LRIG2: variants seen among roughly 807,000 people sequenced by gnomAD.
LRIG2 encodes leucine-rich repeats and immunoglobulin-like domains protein 2.
LRIG2 carries 93 observed loss-of-function variants against 107.8 expected under a neutral mutation model. That is an observed-to-expected ratio of 0.86 (90% CI 0.73 to 1.03). The LOEUF (loss-of-function observed/expected upper bound fraction) is 1.03. Ranked by LOEUF, LRIG2 falls within the 50% of genes least tolerant of loss-of-function variation. LRIG2 has a pLI of 0.00. For missense variants in LRIG2, 1,226 were observed against 1,296.0 expected, an observed-to-expected ratio of 0.95 and a Z score of 0.83; for synonymous variants, 471 against 470.6, an observed-to-expected ratio of 1.00 and a Z score of -0.01.
At chr1:113,093,364 A>G (rs1176205422) in intron 3 of LRIG2, 66 bp from the exon 4 acceptor site, 1 of 1,578,490 alleles carries the variant, frequency 6.3e-7, no homozygotes, top group Admixed American at 1.9e-5. Context: ...TGTTGATTCT[A>G]ATTAACATTT....
chr1:113,106,592 C>T (rs1039220905), intron 11 of LRIG2, among the ~76,000 whole-genome samples: 1 of 152,040 alleles, frequency 6.6e-6, no homozygotes, highest in African/African-American at 2.4e-5. Flanking sequence ...GCAACTTCTG[C>T]CTCCCGGGTT....
intron 1 of LRIG2, among the ~76,000 whole-genome samples, chr1:113,079,902 G>A (rs1199273439): frequency 1.3e-5 from 2 of 150,660 alleles, no homozygotes; most frequent in African/African-American, 4.9e-5. Flanking sequence ...GCTAATTTTT[G>A]TATTTTTAGT....
Position 113,073,596 on chromosome 1 carries a change from C to T in LRIG2, c.190C>T (p.Pro64Ser), listed in dbSNP as rs1437215333. 1.9e-6 allele frequency: 3 copies of T among 1,613,710 alleles called. No individual in the cohort carries two copies. In the African/African-American group the frequency reaches 4.0e-5, roughly 22 times the overall value. ...LDCSRRKLPA[P>S]SWRALSGLLP... is the part of the protein sequence containing the mutation. ...CTGCAGTCGCAGGAAATTGCCCGCA[C>T]CGAGCTGGAGGGCGCTGTCGGGCTT... Residue 64 changes from proline (P) to serine (S), a missense_variant, in exon 1 of 18, where the codon CCG becomes TCG. By Grantham distance (74) the Pro-to-Ser change is moderately conservative. Transcript: ENST00000361127.
At position 113,123,918 on chromosome 1, in the gene LRIG2, C is replaced by T. The variant is rs769312738; in HGVS notation, c.3015C>T (p.Gly1005=). 3 of 1,614,098 alleles carry T rather than the reference C, an allele frequency of 1.9e-6. No homozygotes were observed. Among genetic ancestry groups the T allele is most frequent in the Non-Finnish European group, 2.5e-6 (3 of 1,180,010 alleles). ...TGTGGAACATAAACAGAGAACTAGG[C>T]CTGCCTCATCCTCCTTTTTCCCAGC... The part of the protein sequence containing the change: ...RPVWNINREL[G]LPHPPFSQQP... The change falls in exon 18 of 18, where the codon GGC becomes GGT. Residue 1005 remains glycine, a synonymous_variant. Transcript: ENST00000361127.
chr1:113,115,082 C>G (rs1654946754), intron 15 of LRIG2, among the ~76,000 whole-genome samples: 1 of 152,168 alleles, frequency 6.6e-6, no homozygotes, highest in African/African-American at 2.4e-5. Flanking sequence ...CATCTTCCCC[C>G]TCAAAAAACT....
rs767468466 is a variant in LRIG2, at chr1:113,114,448, C to A, written c.2102C>A (p.Pro701His). Reference sequence around the variant, plus strand: ...TTAGAGACACCCTCATTTATTAGACCCCTGGAGGATAAGACAGTAACACGA... The same window carrying A: ...TTAGAGACACCCTCATTTATTAGACACCTGGAGGATAAGACAGTAACACGA... ...TVLETPSFIR[P>H]LEDKTVTRGE... is the part of the protein sequence containing the mutation. The change falls in exon 15 of 18, where the codon CCC becomes CAC. Residue 701 changes from proline (P) to histidine (H), a missense_variant. Around this residue, in one of 3 missense-constraint regions of LRIG2, gnomAD observed 642 missense variants for 712.2 expected, o/e 0.90. Transcript: ENST00000361127. The A allele has an allele frequency of 4.4e-6, 7 of 1,608,072 alleles. No individual in the cohort carries two copies. Among genetic ancestry groups the A allele is most frequent in the South Asian group, 1.1e-5 (1 of 90,576 alleles).
intron 9 of LRIG2, among the ~76,000 whole-genome samples, chr1:113,099,751 C>T (rs1443535506): frequency 6.6e-6 from 1 of 152,132 alleles, no homozygotes; most frequent in African/African-American, 2.4e-5. Context: ...ATTTATCTAG[C>T]AGAAGTAGAG....
At chr1:113,103,724 G>A (rs1473901933) in intron 11 of LRIG2, 2 of 152,366 alleles carry the variant, frequency 1.3e-5, no homozygotes, top group African/African-American at 2.4e-5. Flanking sequence ...CTGATAGATC[G>A]GGGATCCAAT....
chr1:113,109,673 C>A (rs1053984558), intron 12 of LRIG2, among the ~76,000 whole-genome samples: 2 of 152,136 alleles, frequency 1.3e-5, no homozygotes, highest in African/African-American at 4.8e-5. Context: ...CGGCCGCCAC[C>A]TCGCCTGGGT....
intron 11 of LRIG2, among the ~76,000 whole-genome samples, chr1:113,101,230 G>A (rs779701721): frequency 1.6e-4 from 24 of 152,174 alleles, no homozygotes; most frequent in Middle Eastern, 3.4e-3. Context: ...CACCACACCC[G>A]GCTAATGTTT....
chr1:113,119,178 G>T, intron 16 of LRIG2, 55 bp from the exon 17 acceptor site: 1 of 1,538,022 alleles, frequency 6.5e-7, no homozygotes, highest in South Asian at 1.2e-5. Flanking sequence ...ACTGACGATT[G>T]GCAAAAAATA....
intron 1 of LRIG2, among the ~76,000 whole-genome samples, chr1:113,079,861 C>G (rs1392129139): frequency 6.7e-6 from 1 of 148,872 alleles, no homozygotes; most frequent in Non-Finnish European, 1.5e-5. Flanking sequence ...TCCCAAGTAG[C>G]TGGGATTACA....
Position 113,131,284 on chromosome 1 carries a change from A to C in LRIG2, c.*7183A>C, listed in dbSNP as rs979021239. ...TCTTCTTATCTGTGGGACTCCAATT[A>C]GAATGGGGTTGAGATTGTGGCATTC... On this transcript the variant is annotated 3_prime_UTR_variant, in exon 18 of 18. Coordinates refer to ENST00000361127, the MANE Select transcript of LRIG2 (RefSeq NM_014813.3). 3.9e-5 allele frequency: 6 copies of C among 152,224 alleles called. No homozygotes were observed. Among genetic ancestry groups the C allele is most frequent in the Non-Finnish European group, 8.8e-5 (6 of 68,044 alleles). The allele number at this position is 152,224 out of a possible 1,614,324, so 9.4% of individuals were successfully genotyped here.
intron 1 of LRIG2, 64 bp from the exon 2 acceptor site, chr1:113,091,254 C>CTT: frequency 1.1e-5 from 12 of 1,078,736 alleles, no homozygotes; most frequent in South Asian, 2.9e-5. Flanking sequence ...TATTTAGTTT[C>CTT]TTTTTTTTTC....
intron 9 of LRIG2, among the ~76,000 whole-genome samples, chr1:113,099,503 G>A (rs998439558): frequency 6.6e-6 from 1 of 151,798 alleles, no homozygotes; most frequent in Non-Finnish European, 1.5e-5. Context: ...GCCTCCCAAA[G>A]TGCTGGGATT....
chr1:113,121,883 A>G lies in LRIG2; in HGVS notation c.2972-1992A>G, dbSNP rs796696755. On this transcript the variant is annotated intron_variant, in intron 17 of 17. Coordinates refer to ENST00000361127, the MANE Select transcript of LRIG2 (RefSeq NM_014813.3). Reference sequence around the variant, plus strand: ...TGTTAGATTATGTCCCACAGGTTACAGGATCATGCTTTTGATTTTAATTTT... The same window carrying G: ...TGTTAGATTATGTCCCACAGGTTACGGGATCATGCTTTTGATTTTAATTTT... Among the ~76,000 whole-genome samples, 111 of 152,262 alleles carry G rather than the reference A, an allele frequency of 7.3e-4. 1 individual carries two copies. The highest frequency in any genetic ancestry group is 6.8e-3 in the Middle Eastern group (2 of 294).
intron 9 of LRIG2, 125 bp downstream of exon 9, chr1:113,098,910 C>T: frequency 3.2e-6 from 2 of 631,224 alleles, no homozygotes. Flanking sequence ...TCTGGGAGCT[C>T]TGTGGGGTTT....
At position 113,119,400 on chromosome 1, in the gene LRIG2, C is replaced by T. The variant is rs375852523; in HGVS notation, c.2848C>T (p.Pro950Ser). ...GCCTAAAGAGACATATTTAGTACATCCTCCCCAGGATACTACTGCCCTAGA... is the reference window on the plus strand; with the variant it reads ...GCCTAAAGAGACATATTTAGTACATTCTCCCCAGGATACTACTGCCCTAGA... ...QMPKETYLVH[P>S]PQDTTALESL... The change falls in exon 17 of 18, where the codon CCT (proline) becomes TCT (serine). Residue 950 changes from proline to serine, a missense_variant. Coordinates refer to ENST00000361127, the MANE Select transcript of LRIG2 (RefSeq NM_014813.3). 61 of 1,613,924 alleles carry T rather than the reference C, an allele frequency of 3.8e-5. No homozygotes were observed. The highest frequency in any genetic ancestry group is 4.9e-5 in the Non-Finnish European group (58 of 1,180,022).
intron 8 of LRIG2, 70 bp from the exon 9 acceptor site, chr1:113,098,635 C>T: frequency 1.1e-6 from 1 of 916,222 alleles, no homozygotes; most frequent in South Asian, 1.3e-5. Flanking sequence ...ATCACCATAC[C>T]AGGATACTGC....
Sources: allele counts gnomAD v4.1 joint callset (sites outside exome capture counted in the v4.1 genomes callset), GRCh38; gene constraint gnomAD v4.1.1; regional missense constraint gnomAD v4.1.1; transcripts MANE v1.5; gene names NCBI Gene and HGNC (gene_info 2026-07-23, HGNC 2026-07-21).